GLRB: variants seen among roughly 807,000 people sequenced by gnomAD.
GLRB encodes the protein glycine receptor subunit beta.
In GLRB, 33 loss-of-function variants were observed where a neutral mutation model predicts 54.2. The ratio of observed to expected loss-of-function variants is 0.61; its 90% CI spans 0.46 to 0.81. The LOEUF (loss-of-function observed/expected upper bound fraction) is 0.81. GLRB is among the 40% of genes least tolerant of loss of function. GLRB has a pLI of 0.00. For missense variants in GLRB, 572 were observed against 584.6 expected, an observed-to-expected ratio of 0.98 and a Z score of 0.22; for synonymous variants, 209 against 208.2, an observed-to-expected ratio of 1.00 and a Z score of -0.03.
At chr4:157,092,504 A>AT (rs574212460) in intron 2 of GLRB, among the ~76,000 whole-genome samples, 382 of 152,226 alleles carry the variant, frequency 2.5e-3, no homozygotes, top group African/African-American at 8.8e-3. Flanking sequence ...TCTCGTTTTT[A>AT]TTTTTTTGAC....
intron 9 of GLRB, among the ~76,000 whole-genome samples, chr4:157,168,916 G>C (rs1173151031): frequency 6.6e-6 from 1 of 151,972 alleles, no homozygotes; most frequent in African/African-American, 2.4e-5. Context: ...CATTTAACTT[G>C]CTTTGTCAGT....
At chr4:157,090,736 C>A (rs1448345262) in intron 2 of GLRB, among the ~76,000 whole-genome samples, 1 of 152,040 alleles carries the variant, frequency 6.6e-6, no homozygotes, top group Non-Finnish European at 1.5e-5. Context: ...AATACTGATT[C>A]TCTGGGTTTT....
chr4:157,121,634 C>G (rs1402904173), intron 3 of GLRB, among the ~76,000 whole-genome samples: 1 of 151,548 alleles, frequency 6.6e-6, no homozygotes, highest in Non-Finnish European at 1.5e-5. Context: ...TGATTCACCA[C>G]CTGTTTTTCA....
rs112834384 is a variant in GLRB at position 157,083,834 on chromosome 4, C to T, written c.122+5688C>T. 1.5e-3 allele frequency among the ~76,000 whole-genome samples: 235 copies of T among 152,164 alleles called. 1 individual carries two copies. The highest frequency in any genetic ancestry group is 5.4e-3 in the African/African-American group (223 of 41,540). On this transcript the variant is annotated intron_variant, in intron 2 of 9. Transcript: ENST00000264428. The stretch of plus-strand genomic sequence containing the variant: ...TTCATGAATAATGTTTTTTAAAACA[C>T]TTCTTTCAAACCCAGAAAAACTTTT...
At chr4:157,150,384 A>G (rs556167596) in intron 8 of GLRB, among the ~76,000 whole-genome samples, 1 of 152,070 alleles carries the variant, frequency 6.6e-6, no homozygotes, top group South Asian at 2.1e-4. Flanking sequence ...TGAATTCACT[A>G]CCATTGTTTC....
At chr4:157,161,795 G>A (rs1737505202) in intron 9 of GLRB, among the ~76,000 whole-genome samples, 1 of 152,110 alleles carries the variant, frequency 6.6e-6, no homozygotes, top group African/African-American at 2.4e-5. Flanking sequence ...TAGTGAATCT[G>A]ACAATTATGT....
At chr4:157,148,324 C>T (rs1736892737) in intron 8 of GLRB, among the ~76,000 whole-genome samples, 1 of 151,950 alleles carries the variant, frequency 6.6e-6, no homozygotes, top group Admixed American at 6.6e-5. Flanking sequence ...TTCAAAGCAC[C>T]AGCTTTTATC....
chr4:157,162,529 C>A lies in GLRB; in HGVS notation c.1198-7903C>A, dbSNP rs540283902. ...ACAGGTGCGGTTTTGGTGTGTATGT[C>A]CTTTCTGTTTGTTAGTTTTCCAACA... On this transcript the variant is annotated intron_variant, in intron 9 of 9. Coordinates refer to ENST00000264428, the MANE Select transcript of GLRB (RefSeq NM_000824.5). Among the ~76,000 whole-genome samples, 5 of 152,256 alleles carry A rather than the reference C, an allele frequency of 3.3e-5. No individual in the cohort carries two copies. The South Asian group carries it at 1.0e-3, about 32-fold the overall frequency.
chr4:157,082,996 ATACT>A (rs1734281128), intron 2 of GLRB, among the ~76,000 whole-genome samples: 2 of 149,460 alleles, frequency 1.3e-5, no homozygotes, highest in Admixed American at 6.7e-5. Context: ...ATATACACAC[ATACT>A]TACAATTTAG....
At chr4:157,086,369 T>C (rs972811394) in intron 2 of GLRB, among the ~76,000 whole-genome samples, 37 of 152,246 alleles carry the variant, frequency 2.4e-4, no homozygotes, top group Admixed American at 1.6e-3. Flanking sequence ...TGCTTTGATG[T>C]CTTGGATATT....
intron 9 of GLRB, among the ~76,000 whole-genome samples, chr4:157,162,215 T>C (rs1274909563): frequency 6.6e-6 from 1 of 152,202 alleles, no homozygotes; most frequent in Non-Finnish European, 1.5e-5. Flanking sequence ...CACTGTTTAT[T>C]TCAGTTAACC....
chr4:157,154,014 G>T (rs950165961), intron 9 of GLRB, among the ~76,000 whole-genome samples: 6 of 152,144 alleles, frequency 3.9e-5, no homozygotes, highest in Non-Finnish European at 8.8e-5. Flanking sequence ...AATGGTTTAA[G>T]TCATTTATAC....
At chr4:157,120,045 A>G (rs1735748815) in intron 2 of GLRB, among the ~76,000 whole-genome samples, 1 of 151,774 alleles carries the variant, frequency 6.6e-6, no homozygotes, top group Non-Finnish European at 1.5e-5. Flanking sequence ...ATGGAATGCT[A>G]TGCAGCCATA....
At chr4:157,077,154 A>G (rs994413268) in intron 1 of GLRB, among the ~76,000 whole-genome samples, 29 of 152,322 alleles carry the variant, frequency 1.9e-4, no homozygotes, top group African/African-American at 7.0e-4. Flanking sequence ...TCTCTAGTGT[A>G]GGTAGAGGCT....
intron 2 of GLRB, among the ~76,000 whole-genome samples, chr4:157,102,512 G>C (rs2126484510): frequency 6.6e-6 from 1 of 152,214 alleles, no homozygotes; most frequent in Non-Finnish European, 1.5e-5. Flanking sequence ...CATACAGTAA[G>C]ATTTCCTTCT....
At chr4:157,165,542 A>G (rs1165038857) in intron 9 of GLRB, among the ~76,000 whole-genome samples, 3 of 152,020 alleles carry the variant, frequency 2.0e-5, no homozygotes, top group Non-Finnish European at 4.4e-5. Context: ...AAAAAATTAA[A>G]TGATAATGTA....
At chr4:157,145,450 C>T (rs954297745) in intron 8 of GLRB, among the ~76,000 whole-genome samples, 2 of 152,152 alleles carry the variant, frequency 1.3e-5, no homozygotes, top group African/African-American at 4.8e-5. Context: ...GCCTATATTA[C>T]ACATTCAGGA....
chr4:157,141,355 G>A (rs1736603284), intron 7 of GLRB, among the ~76,000 whole-genome samples: 1 of 151,496 alleles, frequency 6.6e-6, no homozygotes, highest in Non-Finnish European at 1.5e-5. Flanking sequence ...AATCTAGTTA[G>A]AAAAATAAGA....
intron 2 of GLRB, among the ~76,000 whole-genome samples, chr4:157,090,278 C>T (rs549101038): frequency 1.4e-4 from 21 of 152,120 alleles, no homozygotes; most frequent in Non-Finnish European, 2.5e-4. Context: ...AATAACTGTA[C>T]GGATATTAAC....
Sources: allele counts gnomAD v4.1 joint callset (sites outside exome capture counted in the v4.1 genomes callset), GRCh38; gene constraint gnomAD v4.1.1; transcripts MANE v1.5; gene names NCBI Gene and HGNC (gene_info 2026-07-23, HGNC 2026-07-21).